Variants in FIGN observed in about 807,000 individuals in gnomAD.
The protein encoded by FIGN is fidgetin.
FIGN carries 11 observed loss-of-function variants against 51.3 expected under a neutral mutation model. The observed-to-expected ratio is 0.21, with a 90% confidence interval of 0.13 to 0.35. FIGN has a LOEUF of 0.35. Ranked by LOEUF, FIGN falls within the 10% of genes least tolerant of loss-of-function variation. The pLI is 1.00. For missense variants in FIGN, 857 were observed against 943.6 expected (o/e 0.91, Z 1.20); for synonymous variants, 407 against 363.2 (o/e 1.12, Z -1.37).
At chr2:163,644,607 T>A (rs1390963092) in intron 2 of FIGN, among the ~76,000 whole-genome samples, 1 of 152,004 alleles carries the variant, frequency 6.6e-6, no homozygotes, top group Non-Finnish European at 1.5e-5. Context: ...TGGAAACACA[T>A]CCACATAAAA....
At chr2:163,702,397 G>T (rs1300959975) in intron 2 of FIGN, among the ~76,000 whole-genome samples, 1 of 152,136 alleles carries the variant, frequency 6.6e-6, no homozygotes, top group African/African-American at 2.4e-5. Flanking sequence ...AAGTCTGTAA[G>T]AGAGGTAAAT....
At chr2:163,650,365 T>C (rs930064192) in intron 2 of FIGN, among the ~76,000 whole-genome samples, 1 of 151,756 alleles carries the variant, frequency 6.6e-6, no homozygotes, top group Non-Finnish European at 1.5e-5. Flanking sequence ...TAAATATATA[T>C]AGGCATATTT....
intron 2 of FIGN, among the ~76,000 whole-genome samples, chr2:163,709,389 A>C (rs1187211006): frequency 6.6e-6 from 1 of 152,184 alleles, no homozygotes; most frequent in Non-Finnish European, 1.5e-5. Context: ...TAAGTAAATA[A>C]ATGATTTGTC....
Position 163,611,183 on chromosome 2 carries a change from A to G in FIGN, c.649T>C (p.Ser217Pro), listed in dbSNP as rs1691248525. Residue 217 changes from serine (S) to proline (P), a missense_variant, in exon 3 of 3, where the codon TCT becomes CCT. Coordinates refer to ENST00000333129, the MANE Select transcript of FIGN (RefSeq NM_018086.4). ...PSPHPSPLHS[S>P]GLLQPPPPPP... is the part of the protein sequence containing the mutation. ...GGTGGTGGGGGCTGTAGTAGCCCAG[A>G]GCTATGCAAAGGAGACGGATGAGGT... The G allele has an allele frequency of 5.0e-6, 8 of 1,614,110 alleles. No homozygotes were observed. Among genetic ancestry groups the G allele is most frequent in the Non-Finnish European group, 6.8e-6 (8 of 1,180,022 alleles).
At chr2:163,677,098 C>T (rs1037965190) in intron 2 of FIGN, among the ~76,000 whole-genome samples, 6 of 152,204 alleles carry the variant, frequency 3.9e-5, no homozygotes, top group African/African-American at 1.4e-4. Flanking sequence ...GCCAAACAAT[C>T]TGTCTCAAGA....
intron 2 of FIGN, among the ~76,000 whole-genome samples, chr2:163,650,658 T>A (rs1683458962): frequency 1.3e-5 from 2 of 152,164 alleles, no homozygotes; most frequent in Admixed American, 1.3e-4. Context: ...TCTGCCTTTT[T>A]CTGATTTTTA....
chr2:163,729,616 A>C (rs1361713948), intron 2 of FIGN, among the ~76,000 whole-genome samples: 4 of 152,192 alleles, frequency 2.6e-5, no homozygotes, highest in Admixed American at 1.3e-4. Context: ...ACCAATACTT[A>C]AGCTGAGCTA....
intron 2 of FIGN, among the ~76,000 whole-genome samples, chr2:163,676,417 A>T (rs1683964870): frequency 7.3e-6 from 1 of 136,972 alleles, no homozygotes; most frequent in Admixed American, 7.7e-5. Context: ...TAATTAAAAC[A>T]TCTCATGGAT....
chr2:163,704,017 CTG>C (rs1200893323), intron 2 of FIGN, among the ~76,000 whole-genome samples: 2 of 152,064 alleles, frequency 1.3e-5, no homozygotes, highest in African/African-American at 4.8e-5. Context: ...TTCTGAATTG[CTG>C]TTTTGTTTGG....
chr2:163,623,603 G>A (rs549114232), intron 2 of FIGN, among the ~76,000 whole-genome samples: 202 of 152,222 alleles, frequency 1.3e-3, no homozygotes, highest in Middle Eastern at 3.4e-3. Flanking sequence ...AGGTCTAAAA[G>A]TAAATTCCTA....
At chr2:163,661,529 T>C (rs1043990435) in intron 2 of FIGN, among the ~76,000 whole-genome samples, 7 of 152,136 alleles carry the variant, frequency 4.6e-5, no homozygotes, top group Admixed American at 3.9e-4. Flanking sequence ...CCCAAGTAGC[T>C]GGGATTAGAA....
At chr2:163,652,481 C>CAA (rs35967241) in intron 2 of FIGN, among the ~76,000 whole-genome samples, 10 of 151,292 alleles carry the variant, frequency 6.6e-5, no homozygotes, top group East Asian at 3.9e-4. Context: ...TATATCCTAC[C>CAA]AAAAAAAACT....
At chr2:163,728,564 T>A (rs1684876507) in intron 2 of FIGN, among the ~76,000 whole-genome samples, 1 of 152,172 alleles carries the variant, frequency 6.6e-6, no homozygotes, top group African/African-American at 2.4e-5. Context: ...GAGCAGGAGA[T>A]ACTTAATGGT....
At chr2:163,697,105 T>C (rs868211511) in intron 2 of FIGN, among the ~76,000 whole-genome samples, 1,069 of 65,580 alleles carry the variant, frequency 0.016, 37 homozygotes, top group African/African-American at 0.051. Context: ...CTTTTCTTTC[T>C]TTTTTTTTTT....
intron 2 of FIGN, among the ~76,000 whole-genome samples, chr2:163,687,238 A>G (rs2105342916): frequency 6.6e-6 from 1 of 152,284 alleles, no homozygotes; most frequent in East Asian, 1.9e-4. Flanking sequence ...TTCTAGATAT[A>G]ATATTGAAGG....
chr2:163,664,358 T>G (rs1205375628), intron 2 of FIGN, among the ~76,000 whole-genome samples: 4 of 152,242 alleles, frequency 2.6e-5, no homozygotes, highest in Non-Finnish European at 5.9e-5. Context: ...TGCTGAATAC[T>G]TTTGTACATT....
intron 2 of FIGN, among the ~76,000 whole-genome samples, chr2:163,631,499 A>G (rs1456083771): frequency 1.3e-5 from 2 of 152,024 alleles, no homozygotes; most frequent in Non-Finnish European, 2.9e-5. Flanking sequence ...TCTTAGCTTG[A>G]GCGTTCTCCT....
chr2:163,656,372 G>A (rs549770152), intron 2 of FIGN, among the ~76,000 whole-genome samples: 12 of 152,198 alleles, frequency 7.9e-5, no homozygotes, highest in African/African-American at 2.6e-4. Context: ...AACTTTTATG[G>A]TCATAACGAA....
chr2:163,641,445 T>C (rs1683304432), intron 2 of FIGN, among the ~76,000 whole-genome samples: 1 of 152,196 alleles, frequency 6.6e-6, no homozygotes, highest in Admixed American at 6.5e-5. Flanking sequence ...ACGCCATTAG[T>C]TTAGCCCCTT....
Sources: gnomAD v4.1 joint callset for allele counts (sites outside exome capture counted in the v4.1 genomes callset) on GRCh38, gnomAD v4.1.1 for gene constraint, MANE v1.5 for transcripts, NCBI Gene and HGNC (gene_info 2026-07-23, HGNC 2026-07-21) for gene names.